UTRN: variants seen among roughly 807,000 people sequenced by gnomAD.
UTRN encodes the protein dystrophin-related protein 1.
UTRN carries 283 observed loss-of-function variants against 463.9 expected under a neutral mutation model. The observed-to-expected ratio is 0.61, with a 90% CI of 0.55 to 0.67. UTRN has a LOEUF of 0.67. Ranked by LOEUF, UTRN falls within the 30% of genes least tolerant of loss-of-function variation. The pLI, the probability that UTRN is intolerant of heterozygous loss-of-function variation, is 0.00. For missense variants in UTRN, 3,922 were observed against 4,084.3 expected (o/e 0.96, Z 1.08); for synonymous variants, 1,442 against 1,431.5 (o/e 1.01, Z -0.17).
chr6:144,795,823 C>A (rs139206111), intron 63 of UTRN, among the ~76,000 whole-genome samples: 1 of 151,950 alleles, frequency 6.6e-6, no homozygotes, highest in African/African-American at 2.4e-5. Flanking sequence ...TTGTAGGTTG[C>A]CTGTTCACTC....
chr6:144,407,792 T>C (rs1389522857), intron 3 of UTRN, among the ~76,000 whole-genome samples: 1 of 152,218 alleles, frequency 6.6e-6, no homozygotes, highest in East Asian at 1.9e-4. Context: ...CAAATCCTTG[T>C]GAACATATCA....
chr6:144,597,256 C>T (rs888561359), intron 51 of UTRN, among the ~76,000 whole-genome samples: 1 of 135,266 alleles, frequency 7.4e-6, no homozygotes, highest in East Asian at 2.3e-4. Context: ...AAAAAAAGTG[C>T]CTTAACTTAC....
At chr6:144,398,553 G>T (rs904812055) in intron 2 of UTRN, 3 of 248,604 alleles carry the variant, frequency 1.2e-5, no homozygotes, top group East Asian at 2.3e-4. Flanking sequence ...TATCTTTATG[G>T]CAGGCCAGGT....
chr6:144,727,356 A>C (rs1312860540), intron 53 of UTRN, among the ~76,000 whole-genome samples: 1 of 152,218 alleles, frequency 6.6e-6, no homozygotes, highest in Non-Finnish European at 1.5e-5. Flanking sequence ...ACCTGTTCTA[A>C]GATCTTCATC....
intron 54 of UTRN, among the ~76,000 whole-genome samples, chr6:144,739,900 G>T (rs1207183009): frequency 6.6e-6 from 1 of 152,172 alleles, no homozygotes; most frequent in African/African-American, 2.4e-5. Context: ...AATGGAGGAA[G>T]AATCCAATCC....
At chr6:144,727,706 G>A (rs931324640) in intron 53 of UTRN, among the ~76,000 whole-genome samples, 18 of 152,158 alleles carry the variant, frequency 1.2e-4, no homozygotes, top group East Asian at 7.7e-4. Flanking sequence ...TGAAGGTTAC[G>A]GTGAGCTGAG....
intron 3 of UTRN, among the ~76,000 whole-genome samples, chr6:144,411,037 G>T (rs1002077535): frequency 3.9e-5 from 6 of 152,180 alleles, no homozygotes; most frequent in Non-Finnish European, 8.8e-5. Flanking sequence ...ACATGAGTGT[G>T]CAAGCATCTT....
chr6:144,643,110 A>G (rs1489526618), intron 51 of UTRN, among the ~76,000 whole-genome samples: 1 of 152,186 alleles, frequency 6.6e-6, no homozygotes, highest in Non-Finnish European at 1.5e-5. Context: ...ATTGTCCTGG[A>G]AAACCTACCG....
intron 53 of UTRN, among the ~76,000 whole-genome samples, chr6:144,728,398 ATC>A (rs1246504897): frequency 2.0e-5 from 3 of 151,704 alleles, no homozygotes; most frequent in Non-Finnish European, 4.4e-5. Context: ...TGGATTAAAA[ATC>A]TTTTTTTTTC....
At chr6:144,530,087 G>A (rs1796903622) in intron 41 of UTRN, among the ~76,000 whole-genome samples, 1 of 152,142 alleles carries the variant, frequency 6.6e-6, no homozygotes, top group African/African-American at 2.4e-5. Context: ...GGACCCTCAG[G>A]ACCAGTCATT....
chr6:144,480,038 A>G, intron 26 of UTRN, 56 bp downstream of exon 26: 2 of 1,564,104 alleles, frequency 1.3e-6, no homozygotes, highest in Non-Finnish European at 8.7e-7. Flanking sequence ...TCCCTTTAAA[A>G]CCAGCACATC....
At chr6:144,789,709 T>C (rs932694741) in intron 62 of UTRN, among the ~76,000 whole-genome samples, 3 of 152,226 alleles carry the variant, frequency 2.0e-5, no homozygotes, top group African/African-American at 7.2e-5. Flanking sequence ...AACTTTTTTT[T>C]ATTTCTTTAT....
intron 60 of UTRN, among the ~76,000 whole-genome samples, chr6:144,777,201 G>C (rs931715915): frequency 1.3e-5 from 2 of 152,114 alleles, no homozygotes; most frequent in Non-Finnish European, 2.9e-5. Context: ...TCCAGAAGAT[G>C]TGTCCAAGGA....
At position 144,737,829 on chromosome 6, in the gene UTRN, G is replaced by GT. The variant is rs10714100; in HGVS notation, c.7939+7355dup. Among the ~76,000 whole-genome samples, 1,250 of 147,504 alleles carry GT rather than the reference G, an allele frequency of 8.5e-3. 21 individuals carry two copies. Among genetic ancestry groups the GT allele is most frequent in the African/African-American group, 0.027 (1,099 of 40,826 alleles). ...TTTTTCCTTTTAATGCAATTGAACT[G>GT]TTTTTTTTTTTTATTTTAATCCCTA... On this transcript the variant is annotated intron_variant, in intron 54 of 74. Coordinates refer to ENST00000367545, the MANE Select transcript of UTRN (RefSeq NM_007124.3).
At chr6:144,821,446 A>G (rs1310797743) in intron 66 of UTRN, among the ~76,000 whole-genome samples, 1 of 152,042 alleles carries the variant, frequency 6.6e-6, no homozygotes, top group Non-Finnish European at 1.5e-5. Flanking sequence ...ATTTATTAAT[A>G]ATACTTAATC....
At chr6:144,325,878 T>TAA (rs371007648) in intron 2 of UTRN, among the ~76,000 whole-genome samples, 1 of 148,134 alleles carries the variant, frequency 6.8e-6, no homozygotes, top group African/African-American at 2.5e-5. Flanking sequence ...CAGAATGTGA[T>TAA]AAAAAAAAAA....
intron 51 of UTRN, among the ~76,000 whole-genome samples, chr6:144,668,080 C>A (rs1780610015): frequency 6.6e-6 from 1 of 152,204 alleles, no homozygotes; most frequent in Non-Finnish European, 1.5e-5. Context: ...CTTGCAGGAG[C>A]TGTCTATTAA....
intron 2 of UTRN, among the ~76,000 whole-genome samples, chr6:144,313,197 C>T (rs12660531): frequency 0.025 from 3,781 of 151,996 alleles, 164 homozygotes; most frequent in East Asian, 0.16. Flanking sequence ...TTTTTTAAAA[C>T]GTGCATGGCC....
intron 69 of UTRN, among the ~76,000 whole-genome samples, chr6:144,831,028 G>T (rs73596560): frequency 0.053 from 8,098 of 152,108 alleles, 219 homozygotes; most frequent in Middle Eastern, 0.095. Flanking sequence ...ACCAACTCAC[G>T]ACCGCCATGC....
Sources: gnomAD v4.1 joint callset for allele counts (sites outside exome capture counted in the v4.1 genomes callset) on GRCh38, gnomAD v4.1.1 for gene constraint, MANE v1.5 for transcripts, NCBI Gene and HGNC (gene_info 2026-07-23, HGNC 2026-07-21) for gene names.